ADCY8: variants seen among roughly 807,000 people sequenced by gnomAD.
The protein encoded by ADCY8 is adenylate cyclase 8.
In ADCY8, 51 loss-of-function variants were observed where a neutral mutation model predicts 119.7. The observed-to-expected ratio is 0.43, with a 90% CI of 0.34 to 0.54. The LOEUF (loss-of-function observed/expected upper bound fraction) is 0.54, where lower values mean the gene tolerates loss of function less well. ADCY8 is among the 20% of genes least tolerant of loss of function. The probability of loss-of-function intolerance (pLI) is 0.03; values close to 1 mark genes in which losing one functional copy is unlikely to be tolerated. For missense variants in ADCY8, 1,383 were observed against 1,598.8 expected (o/e 0.87, Z 2.30); for synonymous variants, 665 against 651.0 (o/e 1.02, Z -0.33).
intron 14 of ADCY8, among the ~76,000 whole-genome samples, chr8:130,811,683 G>A (rs1012809483): frequency 3.3e-5 from 5 of 152,192 alleles, no homozygotes; most frequent in Admixed American, 3.3e-4. Context: ...TCATCCACAG[G>A]CATTTTAAGA....
rs186641696 is a variant in ADCY8, at chr8:130,843,755, G to C, written c.2502+3669C>G. 2.4e-3 allele frequency among the ~76,000 whole-genome samples: 370 copies of C among 152,214 alleles called. 3 individuals carry two copies. Among genetic ancestry groups the C allele is most frequent in the Non-Finnish European group, 2.7e-3 (184 of 68,018 alleles). ...GCCTTGTCCTGTGCTGGGCCCTTTA[G>C]TCAATCTTTAATAGCTATACAATAT... On this transcript the variant is annotated intron_variant, in intron 11 of 17. Coordinates refer to ENST00000286355, the MANE Select transcript of ADCY8 (RefSeq NM_001115.3).
chr8:130,846,101 A>G (rs568280248), intron 11 of ADCY8, among the ~76,000 whole-genome samples: 321 of 152,222 alleles, frequency 2.1e-3, no homozygotes, highest in Non-Finnish European at 2.7e-3. Context: ...TTCTGGGACC[A>G]ATTCTTAGGC....
chr8:130,919,303 GCACACA>G, intron 5 of ADCY8, among the ~76,000 whole-genome samples: 1 of 149,958 alleles, frequency 6.7e-6, no homozygotes, highest in South Asian at 2.1e-4. Context: ...ACTCACACTC[GCACACA>G]CACACACACA....
chr8:130,964,656 C>T (rs944170026), intron 2 of ADCY8, among the ~76,000 whole-genome samples: 1 of 152,144 alleles, frequency 6.6e-6, no homozygotes, highest in African/African-American at 2.4e-5. Flanking sequence ...TTTAAATTCT[C>T]AGTACATTTT....
chr8:130,864,651 A>G (rs1403216459), intron 9 of ADCY8, among the ~76,000 whole-genome samples: 3 of 152,254 alleles, frequency 2.0e-5, no homozygotes, highest in Non-Finnish European at 2.9e-5. Flanking sequence ...TATTGAGCCC[A>G]TTGAAGGCAT....
Position 130,888,651 on chromosome 8 carries a change from T to A in ADCY8, c.1912-3890A>T, listed in dbSNP as rs544814221. ...CTGAACTGAGTCTCTGATGATAGGA[T>A]CTTGCTTGACAGTTTGGGGGTTCTG... On this transcript the variant is annotated intron_variant, in intron 7 of 17. Transcript: ENST00000286355. Among the ~76,000 whole-genome samples the A allele has an allele frequency of 1.2e-3, 178 of 152,218 alleles. 2 individuals are homozygous for A. Among genetic ancestry groups the A allele is most frequent in the East Asian group, 9.7e-4 (5 of 5,166 alleles).
At chr8:130,817,396 G>T (rs984473034) in intron 13 of ADCY8, among the ~76,000 whole-genome samples, 1 of 152,136 alleles carries the variant, frequency 6.6e-6, no homozygotes, top group Non-Finnish European at 1.5e-5. Context: ...TCCAGATTGT[G>T]GTTTCTAAAT....
intron 2 of ADCY8, among the ~76,000 whole-genome samples, chr8:130,972,544 A>C (rs765628716): frequency 6.6e-6 from 1 of 152,206 alleles, no homozygotes; most frequent in Non-Finnish European, 1.5e-5. Context: ...AAGACCCAAA[A>C]TATCTATTTT....
intron 9 of ADCY8, among the ~76,000 whole-genome samples, chr8:130,862,933 C>G (rs970321889): frequency 6.6e-6 from 1 of 152,102 alleles, no homozygotes; most frequent in Non-Finnish European, 1.5e-5. Flanking sequence ...GGTTACTGTT[C>G]ATGTGAGCTT....
intron 5 of ADCY8, among the ~76,000 whole-genome samples, chr8:130,936,418 A>C (rs755705070): frequency 4.5e-4 from 68 of 152,206 alleles, no homozygotes; most frequent in Non-Finnish European, 1.0e-4. Flanking sequence ...CAACCTCTTA[A>C]CATGACTGAG....
At chr8:130,926,049 G>A (rs1020527917) in intron 5 of ADCY8, among the ~76,000 whole-genome samples, 1 of 152,160 alleles carries the variant, frequency 6.6e-6, no homozygotes, top group Non-Finnish European at 1.5e-5. Flanking sequence ...TTGCCTGAGG[G>A]ATAAAGCCCC....
At chr8:130,998,277 C>G (rs1244933759) in intron 1 of ADCY8, among the ~76,000 whole-genome samples, 1 of 152,100 alleles carries the variant, frequency 6.6e-6, no homozygotes, top group Non-Finnish European at 1.5e-5. Flanking sequence ...AAAGGGAGTT[C>G]AGAGAAGGCC....
rs1818914490 is a variant in ADCY8, at chr8:130,884,766, G to A, written c.1912-5C>T. On this transcript the variant is annotated splice_polypyrimidine_tract_variant and splice_region_variant and intron_variant, in intron 7 of 17. Coordinates refer to ENST00000286355, the MANE Select transcript of ADCY8 (RefSeq NM_001115.3). The stretch of plus-strand genomic sequence containing the variant: ...TCTTGTTAGGGCAGCCAGAGTCTAG[G>A]GGGAAAGCACATGCAAACACAATAA... 2 of 1,613,582 alleles carry A rather than the reference G, an allele frequency of 1.2e-6. No individual in the cohort carries two copies. Among genetic ancestry groups the A allele is most frequent in the Non-Finnish European group, 1.7e-6 (2 of 1,179,720 alleles).
In ADCY8 at chr8:130,813,968, A is replaced by G. The variant is rs1816255519; in HGVS notation, c.2913+101T>C. 4.1e-6 allele frequency: 6 copies of G among 1,446,952 alleles called. No individual in the cohort carries two copies. The East Asian group carries it at 9.1e-5, about 22-fold the overall frequency. The allele number at this position is 1,446,952 out of a possible 1,614,324, so 89.6% of individuals were successfully genotyped here. A position where few individuals can be genotyped will look rare whatever the true frequency, so the allele number is the denominator to read the frequency against. On this transcript the variant is annotated intron_variant, in intron 14 of 17. Coordinates refer to ENST00000286355, the MANE Select transcript of ADCY8 (RefSeq NM_001115.3). ...AGTTTCTCCATTCTCATGCACTCAC[A>G]TGATGACAGTGAAATTCTCCCAGAG... is the stretch of plus-strand genomic sequence containing the variant.
Position 130,947,912 on chromosome 8 carries a change from T to C in ADCY8, c.1241+3956A>G, listed in dbSNP as rs368579011. On this transcript the variant is annotated intron_variant, in intron 3 of 17. Coordinates refer to ENST00000286355, the MANE Select transcript of ADCY8 (RefSeq NM_001115.3). ...ATCCACCTGTCACTAGGAAAAGCCA[T>C]TGAGCCAGAGGCACTGTTCCCAGCC... 1.2e-3 allele frequency among the ~76,000 whole-genome samples: 176 copies of C among 152,246 alleles called. 1 individual carries two copies. Among genetic ancestry groups the C allele is most frequent in the Middle Eastern group, 6.8e-3 (2 of 294 alleles).
intron 2 of ADCY8, among the ~76,000 whole-genome samples, chr8:130,971,406 C>A (rs1821918944): frequency 6.6e-6 from 1 of 152,150 alleles, no homozygotes; most frequent in Non-Finnish European, 1.5e-5. Context: ...TATATTACTG[C>A]AGAACTTACA....
chr8:130,975,585 A>G (rs879933691), intron 2 of ADCY8, among the ~76,000 whole-genome samples: 13 of 152,216 alleles, frequency 8.5e-5, no homozygotes, highest in Non-Finnish European at 1.9e-4. Flanking sequence ...GTTAAACCAC[A>G]AGCATTTATT....
chr8:130,942,595 G>T (rs946606562), intron 4 of ADCY8, among the ~76,000 whole-genome samples: 1 of 152,146 alleles, frequency 6.6e-6, no homozygotes, highest in Non-Finnish European at 1.5e-5. Context: ...AGGACATTTT[G>T]ATGCTCTAAA....
At chr8:130,868,411 A>T (rs1489994993) in intron 8 of ADCY8, among the ~76,000 whole-genome samples, 4 of 152,188 alleles carry the variant, frequency 2.6e-5, no homozygotes, top group Non-Finnish European at 5.9e-5. Flanking sequence ...AAAATAGCCT[A>T]AGAGATCTCC....
Sources: gnomAD v4.1 joint callset for allele counts (sites outside exome capture counted in the v4.1 genomes callset) on GRCh38, gnomAD v4.1.1 for gene constraint, MANE v1.5 for transcripts, NCBI Gene and HGNC (gene_info 2026-07-23, HGNC 2026-07-21) for gene names.